The following PDE5A variants were observed in gnomAD, a reference collection of about 807,000 sequenced individuals.
PDE5A encodes phosphodiesterase 5A.
In PDE5A, 67 loss-of-function variants were observed where a neutral mutation model predicts 110.2. The ratio of observed to expected loss-of-function variants is 0.61; its 90% confidence interval spans 0.50 to 0.75. PDE5A has a LOEUF of 0.75. PDE5A is among the 30% of genes least tolerant of loss of function. The pLI, the probability that PDE5A is intolerant of heterozygous loss-of-function variation, is 0.00. For synonymous variants in PDE5A, 328 were observed against 351.2 expected, an observed-to-expected ratio of 0.93 and a Z score of 0.74; for missense variants, 862 against 1,045.1, an observed-to-expected ratio of 0.82 and a Z score of 2.42.
chr4:119,502,084 A>G (rs1331755453), intron 19 of PDE5A, among the ~76,000 whole-genome samples: 2 of 152,106 alleles, frequency 1.3e-5, no homozygotes, highest in African/African-American at 4.8e-5. Flanking sequence ...TCTTTCCTCC[A>G]TGTTTCTTTT....
Position 119,542,623 on chromosome 4 carries a change from G to A in PDE5A, c.1408C>T (p.Leu470Phe), listed in dbSNP as rs1332374518. ...KKNKVIGVCQ[L>F]VNKMEENTGK... ...GTATTCTCCTCCATCTTATTAACAA[G>A]TTGGCAAACCCCTATAACAATCCGA... Residue 470 changes from leucine to phenylalanine, a missense_variant, in exon 10 of 21, where the codon CTT becomes TTT. Transcript: ENST00000354960. 2 of 1,613,512 alleles carry A rather than the reference G, an allele frequency of 1.2e-6. No homozygotes were observed. The highest frequency in any genetic ancestry group is 1.7e-5 in the Admixed American group (1 of 59,964).
chr4:119,593,543 CA>C (rs1266295171), intron 3 of PDE5A, among the ~76,000 whole-genome samples: 1 of 152,096 alleles, frequency 6.6e-6, no homozygotes, highest in Non-Finnish European at 1.5e-5. Flanking sequence ...ACAATAGTGA[CA>C]AAAAGCAGAT....
At chr4:119,512,464 C>G (rs532781305) in intron 14 of PDE5A, 2 of 152,068 alleles carry the variant, frequency 1.3e-5, no homozygotes, top group African/African-American at 2.4e-5. Flanking sequence ...AACAGGATTG[C>G]GTATGTATCG....
At chr4:119,538,851 A>G (rs1291307120) in intron 11 of PDE5A, 109 bp downstream of exon 11, 1 of 844,610 alleles carries the variant, frequency 1.2e-6, no homozygotes, top group Non-Finnish European at 2.0e-6. Flanking sequence ...CCCTGCAAGA[A>G]AGCAGAGTTA....
chr4:119,536,474 T>C (rs1309261408), intron 11 of PDE5A, among the ~76,000 whole-genome samples: 1 of 152,198 alleles, frequency 6.6e-6, no homozygotes, highest in Non-Finnish European at 1.5e-5. Flanking sequence ...CAATTAAGCC[T>C]GAGGTGAATA....
At chr4:119,526,702 G>A (rs938691764) in intron 11 of PDE5A, among the ~76,000 whole-genome samples, 2 of 152,084 alleles carry the variant, frequency 1.3e-5, no homozygotes, top group South Asian at 2.1e-4. Flanking sequence ...AAATCTTATG[G>A]AGCAATCTAA....
At chr4:119,619,921 A>G (rs568061239) in intron 1 of PDE5A, among the ~76,000 whole-genome samples, 2 of 152,278 alleles carry the variant, frequency 1.3e-5, no homozygotes, top group African/African-American at 4.8e-5. Flanking sequence ...ACAGAAATCA[A>G]TTTCAAAGGG....
chr4:119,538,435 A>C (rs770179985), intron 11 of PDE5A, among the ~76,000 whole-genome samples: 1 of 152,096 alleles, frequency 6.6e-6, no homozygotes, highest in Non-Finnish European at 1.5e-5. Context: ...AGCCATTCCA[A>C]ACCAAGACCT....
chr4:119,600,725 A>C (rs1729316446), intron 2 of PDE5A, among the ~76,000 whole-genome samples: 1 of 152,218 alleles, frequency 6.6e-6, no homozygotes, highest in Non-Finnish European at 1.5e-5. Flanking sequence ...TGCATGAATG[A>C]AGGAGAAGGC....
At position 119,519,149 on chromosome 4, in the gene PDE5A, CAA is replaced by C; in HGVS notation, c.1906-12_1906-11del. 3 of 1,596,996 alleles carry C rather than the reference CAA, an allele frequency of 1.9e-6. No individual in the cohort carries two copies. Among genetic ancestry groups the C allele is most frequent in the East Asian group, 4.5e-5 (2 of 44,754 alleles). On this transcript the variant is annotated splice_polypyrimidine_tract_variant and intron_variant, in intron 13 of 20. Coordinates refer to ENST00000354960, the MANE Select transcript of PDE5A (RefSeq NM_001083.4). ...GGTCAGTCAGCTTGTTCTGCATGAC[CAA>C]AGACATTGGAGGAAAGAGAGAACAA...
At chr4:119,537,746 A>G (rs937125467) in intron 11 of PDE5A, among the ~76,000 whole-genome samples, 2 of 151,724 alleles carry the variant, frequency 1.3e-5, no homozygotes, top group African/African-American at 4.8e-5. Flanking sequence ...GAAGATGTTC[A>G]CTTGGTTGTT....
intron 1 of PDE5A, 83 bp from the exon 2 acceptor site, chr4:119,607,380 G>C: frequency 1.4e-6 from 1 of 716,848 alleles, no homozygotes; most frequent in South Asian, 1.8e-5. Flanking sequence ...TCTTCTCATG[G>C]TAAACTGATG....
intron 3 of PDE5A, among the ~76,000 whole-genome samples, chr4:119,567,758 G>A (rs1290680574): frequency 6.6e-6 from 1 of 152,084 alleles, no homozygotes; most frequent in Non-Finnish European, 1.5e-5. Flanking sequence ...TTAACATGCT[G>A]AGGCTTATTT....
chr4:119,506,415 TATA>T (rs1052730991), intron 16 of PDE5A, among the ~76,000 whole-genome samples: 1 of 151,956 alleles, frequency 6.6e-6, no homozygotes, highest in East Asian at 1.9e-4. Context: ...ATTCAGTGAA[TATA>T]ATAATATTTG....
chr4:119,498,887 GATC>G, intron 20 of PDE5A, 149 bp from the exon 21 acceptor site: 1 of 714,486 alleles, frequency 1.4e-6, no homozygotes, highest in Non-Finnish European at 2.3e-6. Flanking sequence ...CACATACACA[GATC>G]ATTTACACAT....
chr4:119,547,853 A>G (rs1437414076), intron 9 of PDE5A, among the ~76,000 whole-genome samples: 1 of 152,006 alleles, frequency 6.6e-6, no homozygotes, highest in African/African-American at 2.4e-5. Flanking sequence ...CATATCACCA[A>G]TATTTGATTT....
At chr4:119,568,334 A>C (rs2110510359) in intron 3 of PDE5A, among the ~76,000 whole-genome samples, 1 of 152,250 alleles carries the variant, frequency 6.6e-6, no homozygotes, top group South Asian at 2.1e-4. Context: ...AATTCCTCTA[A>C]GGTCAAAAAT....
chr4:119,511,573 A>G lies in PDE5A; in HGVS notation c.2001-439T>C, dbSNP rs563865389. On this transcript the variant is annotated intron_variant, in intron 14 of 20. Coordinates refer to ENST00000354960, the MANE Select transcript of PDE5A (RefSeq NM_001083.4). The stretch of plus-strand genomic sequence containing the variant: ...GCTCAGGCTGAAGGTCAGCTTATTC[A>G]TGTGTGCCTGCAAATAAGAAAAGGA... Among the ~76,000 whole-genome samples the G allele has an allele frequency of 5.8e-4, 88 of 152,190 alleles. 5 individuals carry two copies. Among genetic ancestry groups the G allele is most frequent in the South Asian group, 3.3e-3 (16 of 4,828 alleles).
In PDE5A at chr4:119,627,096, GC is replaced by G; in HGVS notation, c.152+1423del. The G allele has an allele frequency of 6.2e-7, 1 of 1,606,248 alleles. No individual in the cohort carries two copies. Among genetic ancestry groups the G allele is most frequent in the Non-Finnish European group, 8.5e-7 (1 of 1,175,658 alleles). On this transcript the variant is annotated intron_variant, in intron 1 of 20. Coordinates refer to ENST00000354960, the MANE Select transcript of PDE5A (RefSeq NM_001083.4). This position sits in a 1 kb window ranked among gnomAD's most constrained non-coding sequence, Gnocchi z 4.6. ...CGCCACCACCCAGCACCCGAGACCCGCCGCGCCCCCGGAAAAAGTGGGAAGG... is the reference window on the plus strand; with the variant it reads ...CGCCACCACCCAGCACCCGAGACCCGCGCGCCCCCGGAAAAAGTGGGAAGG...
Sources: gnomAD v4.1 joint callset for allele counts (sites outside exome capture counted in the v4.1 genomes callset) on GRCh38, gnomAD v4.1.1 for gene constraint, Gnocchi (gnomAD v3.1) non-coding constraint, MANE v1.5 for transcripts, NCBI Gene and HGNC (gene_info 2026-07-23, HGNC 2026-07-21) for gene names.